The following SP100 variants were observed in gnomAD, a reference collection of about 807,000 sequenced individuals.
SP100 encodes the protein nuclear autoantigen Sp-100.
In SP100, 84 loss-of-function variants were observed where a neutral mutation model predicts 130.0. The observed-to-expected ratio is 0.65, with a 90% CI of 0.54 to 0.77. SP100 has a LOEUF of 0.77. Among genes scored for constraint, SP100 ranks in the 30% least tolerant of loss-of-function variants. The pLI, the probability that SP100 is intolerant of heterozygous loss-of-function variation, is 0.00. For missense variants in SP100, 978 were observed against 1,052.2 expected, an observed-to-expected ratio of 0.93 and a Z score of 0.97; for synonymous variants, 331 against 351.7, an observed-to-expected ratio of 0.94 and a Z score of 0.66.
intron 24 of SP100, among the ~76,000 whole-genome samples, chr2:230,520,859 A>G (rs1051578009): frequency 6.6e-6 from 1 of 152,234 alleles, no homozygotes; most frequent in Non-Finnish European, 1.5e-5. Context: ...TTATTGGAGG[A>G]TACAATAGAG....
Position 230,541,886 on chromosome 2 carries a change from C to T in SP100, c.2404-6C>T. 6.2e-7 allele frequency: 1 copy of T among 1,612,746 alleles called. No individual in the cohort carries two copies. The highest frequency in any genetic ancestry group is 8.5e-7 in the Non-Finnish European group (1 of 1,179,568). On this transcript the variant is annotated splice_polypyrimidine_tract_variant and splice_region_variant and intron_variant, in intron 27 of 28. Coordinates refer to ENST00000340126, the MANE Select transcript of SP100 (RefSeq NM_001080391.2). Reference sequence around the variant, plus strand: ...GATAGCCTCATTTTGGTCTTTTACTCAACAGAACAGAGAGGGGTCTCAGGG... The same window carrying T: ...GATAGCCTCATTTTGGTCTTTTACTTAACAGAACAGAGAGGGGTCTCAGGG...
At position 230,428,828 on chromosome 2, in the gene SP100, G is replaced by A. The variant is rs185001768; in HGVS notation, c.107+11163G>A. ...GGGGGAAATGCACCCCCATGATCCAGTTCCTCCCACCAGGGCCCTCCCCCA... is the reference window on the plus strand; with the variant it reads ...GGGGGAAATGCACCCCCATGATCCAATTCCTCCCACCAGGGCCCTCCCCCA... On this transcript the variant is annotated intron_variant, in intron 2 of 28. Coordinates refer to ENST00000340126, the MANE Select transcript of SP100 (RefSeq NM_001080391.2). 1.7e-3 allele frequency among the ~76,000 whole-genome samples: 253 copies of A among 152,316 alleles called. 4 individuals are homozygous for A. The highest frequency in any genetic ancestry group is 5.9e-3 in the African/African-American group (245 of 41,560).
chr2:230,522,476 C>CTTTTTTTTTTTTTTT (rs750389091), intron 24 of SP100, among the ~76,000 whole-genome samples: 5 of 82,138 alleles, frequency 6.1e-5, no homozygotes, highest in African/African-American at 1.0e-4. Flanking sequence ...CCCCAGTGTT[C>CTTTTTTTTTTTTTTT]TTTTTTTTTT....
chr2:230,517,038 A>G (rs1013981131), intron 24 of SP100, among the ~76,000 whole-genome samples: 1 of 152,290 alleles, frequency 6.6e-6, no homozygotes, highest in East Asian at 1.9e-4. Context: ...GGAACATTTT[A>G]TCGATAACAT....
intron 24 of SP100, among the ~76,000 whole-genome samples, chr2:230,528,717 T>C (rs1385277095): frequency 6.6e-6 from 1 of 152,040 alleles, no homozygotes; most frequent in African/African-American, 2.4e-5. Context: ...AAGAATCAAA[T>C]AGATGCAATA....
intron 18 of SP100, among the ~76,000 whole-genome samples, chr2:230,496,390 T>C (rs2066667901): frequency 6.6e-6 from 1 of 152,176 alleles, no homozygotes; most frequent in Admixed American, 6.5e-5. Context: ...GGAAGCTGGG[T>C]GAAGTCAGCA....
At chr2:230,416,453 G>A in intron 1 of SP100, 125 bp downstream of exon 1, 1 of 787,412 alleles carries the variant, frequency 1.3e-6, no homozygotes, top group Non-Finnish European at 2.0e-6. Context: ...GGTATGCGAT[G>A]TTATATAATG....
chr2:230,518,158 A>G (rs1691013425), intron 24 of SP100, among the ~76,000 whole-genome samples: 1 of 152,084 alleles, frequency 6.6e-6, no homozygotes, highest in Non-Finnish European at 1.5e-5. Flanking sequence ...AACCTGTCTT[A>G]CCAAAAATAT....
chr2:230,416,650 C>A, intron 1 of SP100: 1 of 724,984 alleles, frequency 1.4e-6, no homozygotes, highest in South Asian at 4.1e-5. Context: ...GATCTGTGAA[C>A]CCTTTCACCC....
At chr2:230,431,689 C>T (rs2063104741) in intron 2 of SP100, among the ~76,000 whole-genome samples, 1 of 151,810 alleles carries the variant, frequency 6.6e-6, no homozygotes, top group African/African-American at 2.4e-5. Context: ...ACTTGATTTC[C>T]CTATTCTCTT....
intron 24 of SP100, among the ~76,000 whole-genome samples, chr2:230,530,210 T>A (rs913007473): frequency 6.6e-6 from 1 of 152,188 alleles, no homozygotes; most frequent in Non-Finnish European, 1.5e-5. Context: ...CAAAACAGCA[T>A]GGTACTGGTA....
chr2:230,451,320 A>G (rs915742614), intron 8 of SP100, among the ~76,000 whole-genome samples: 1 of 152,154 alleles, frequency 6.6e-6, no homozygotes, highest in Non-Finnish European at 1.5e-5. Flanking sequence ...AGTCTTTTTG[A>G]TAATAACCAT....
At position 230,503,128 on chromosome 2, in the gene SP100, A is replaced by G. The variant is rs1318098293; in HGVS notation, c.1765+18A>G. The G allele has an allele frequency of 1.3e-6, 2 of 1,547,602 alleles. No homozygotes were observed. The highest frequency in any genetic ancestry group is 1.2e-5 in the South Asian group (1 of 86,602). On this transcript the variant is annotated intron_variant, in intron 20 of 28. Transcript: ENST00000340126. Reference sequence around the variant, plus strand: ...AAAAAGAGGTAAATAGAAGTGATCGATATGTTTTTCATAATTAAACATTTA... The same window carrying G: ...AAAAAGAGGTAAATAGAAGTGATCGGTATGTTTTTCATAATTAAACATTTA...
At chr2:230,503,702 G>A (rs1353909838) in intron 20 of SP100, among the ~76,000 whole-genome samples, 2 of 152,140 alleles carry the variant, frequency 1.3e-5, no homozygotes, top group African/African-American at 4.8e-5. Context: ...AAGCTCAAGT[G>A]AAAAAGTGAA....
chr2:230,482,696 A>G (rs967311668), intron 17 of SP100, among the ~76,000 whole-genome samples: 23 of 127,670 alleles, frequency 1.8e-4, no homozygotes, highest in Middle Eastern at 4.1e-3. Context: ...GCTGCCATTT[A>G]CATATATATA....
At chr2:230,437,518 T>G (rs911204722) in intron 2 of SP100, among the ~76,000 whole-genome samples, 1 of 152,146 alleles carries the variant, frequency 6.6e-6, no homozygotes, top group Non-Finnish European at 1.5e-5. Context: ...TCAAGGGTAT[T>G]GAGAAATATG....
chr2:230,497,502 GA>G (rs1192228877), intron 18 of SP100, among the ~76,000 whole-genome samples: 2 of 20,146 alleles, frequency 9.9e-5, no homozygotes, highest in Admixed American at 1.1e-3. Flanking sequence ...GAGAGGAGAG[GA>G]GAGGAGAGGA....
chr2:230,503,156 A>G, intron 20 of SP100, 46 bp downstream of exon 20: 4 of 1,358,752 alleles, frequency 2.9e-6, no homozygotes, highest in Non-Finnish European at 3.1e-6. Context: ...AACATTTAAT[A>G]TTTAATATTC....
intron 2 of SP100, among the ~76,000 whole-genome samples, chr2:230,418,409 C>T (rs1473580745): frequency 2.6e-5 from 4 of 152,042 alleles, no homozygotes; most frequent in Admixed American, 2.6e-4. Flanking sequence ...TTTAGGTTTG[C>T]CTGTGCTGTT....
Sources: gnomAD v4.1 joint callset for allele counts (sites outside exome capture counted in the v4.1 genomes callset) on GRCh38, gnomAD v4.1.1 for gene constraint, MANE v1.5 for transcripts, NCBI Gene and HGNC (gene_info 2026-07-23, HGNC 2026-07-21) for gene names.